LINGO2: variants seen among roughly 807,000 people sequenced by gnomAD.
LINGO2 encodes leucine-rich repeat and immunoglobulin-like domain-containing nogo receptor-interacting protein 2.
In LINGO2, 14 loss-of-function variants were observed where a neutral mutation model predicts 30.6. The observed-to-expected ratio is 0.46, with a 90% CI of 0.30 to 0.72. The LOEUF (loss-of-function observed/expected upper bound fraction) is 0.72. Among genes scored for constraint, LINGO2 ranks in the 30% least tolerant of loss-of-function variants. The pLI is 0.07. For missense variants in LINGO2, 729 were observed against 751.7 expected (o/e 0.97, Z 0.35); for synonymous variants, 317 against 288.5 (o/e 1.10, Z -1.00).
the LINGO2 span, among the ~76,000 whole-genome samples, chr9:28,762,664 C>T: frequency 1.3e-5 from 2 of 152,026 alleles, no homozygotes; most frequent in East Asian, 3.8e-4. Flanking sequence ...ATCTCTTGAT[C>T]TCAACCCCTC....
At chr9:29,038,938 C>T in the LINGO2 span, among the ~76,000 whole-genome samples, 1 of 152,240 alleles carries the variant, frequency 6.6e-6, no homozygotes, top group East Asian at 1.9e-4. Context: ...TTGAGGAATT[C>T]TCTTGTCATT....
intron 3 of LINGO2, among the ~76,000 whole-genome samples, chr9:28,364,809 T>A (rs1820594836): frequency 6.6e-6 from 1 of 152,234 alleles, no homozygotes; most frequent in South Asian, 2.1e-4. Context: ...GAAGCTTTCT[T>A]TGTTTAATCA....
At chr9:28,619,805 A>G (rs1292913191) in intron 1 of LINGO2, among the ~76,000 whole-genome samples, 5 of 152,122 alleles carry the variant, frequency 3.3e-5, no homozygotes, top group Admixed American at 1.3e-4. Context: ...ACACAAAGCC[A>G]AAATTAATAA....
At chr9:28,462,739 C>A (rs1825133588) in intron 2 of LINGO2, among the ~76,000 whole-genome samples, 2 of 151,946 alleles carry the variant, frequency 1.3e-5, no homozygotes, top group Non-Finnish European at 2.9e-5. Flanking sequence ...TACCTCCCCC[C>A]ACAATTTTAA....
At chr9:28,023,575 A>C (rs1239605178) in intron 4 of LINGO2, among the ~76,000 whole-genome samples, 1 of 152,158 alleles carries the variant, frequency 6.6e-6, no homozygotes, top group African/African-American at 2.4e-5. Flanking sequence ...TGACCTTACA[A>C]GTTTTCTTAG....
intron 4 of LINGO2, among the ~76,000 whole-genome samples, chr9:28,035,255 G>T (rs915340702): frequency 6.6e-6 from 1 of 152,102 alleles, no homozygotes; most frequent in East Asian, 1.9e-4. Context: ...TGCTTCAGAG[G>T]GATTTGTATA....
chr9:28,566,763 G>T (rs1276379327), intron 1 of LINGO2, among the ~76,000 whole-genome samples: 1 of 152,132 alleles, frequency 6.6e-6, no homozygotes, highest in Non-Finnish European at 1.5e-5. Context: ...TAACATAAAT[G>T]AGTAAAATCA....
chr9:28,879,197 G>A, the LINGO2 span, among the ~76,000 whole-genome samples: 1 of 152,054 alleles, frequency 6.6e-6, no homozygotes, highest in Non-Finnish European at 1.5e-5. Flanking sequence ...ACCAATAACA[G>A]CCAAACAGAG....
At chr9:29,181,907 A>G in the LINGO2 span, among the ~76,000 whole-genome samples, 1 of 152,216 alleles carries the variant, frequency 6.6e-6, no homozygotes, top group Non-Finnish European at 1.5e-5. Flanking sequence ...CAGGTTAAAG[A>G]AAGAAAAAGT....
intron 4 of LINGO2, among the ~76,000 whole-genome samples, chr9:28,165,425 T>G (rs1226608742): frequency 2.6e-5 from 4 of 152,178 alleles, no homozygotes; most frequent in African/African-American, 9.7e-5. Flanking sequence ...CTTCCACTAA[T>G]CACTCCCAGG....
chr9:28,059,235 A>T (rs866612895), intron 4 of LINGO2, among the ~76,000 whole-genome samples: 16 of 152,050 alleles, frequency 1.1e-4, no homozygotes, highest in African/African-American at 3.9e-4. Flanking sequence ...ACAGCTGTAG[A>T]TCATGTGCCT....
At chr9:28,299,448 AT>A (rs60499003) in intron 3 of LINGO2, among the ~76,000 whole-genome samples, 13,123 of 150,752 alleles carry the variant, frequency 0.087, 871 homozygotes, top group East Asian at 0.39. Context: ...ATTGCTTCTA[AT>A]TTTTTTTTTC....
the LINGO2 span, among the ~76,000 whole-genome samples, chr9:28,884,861 T>C: frequency 7.1e-6 from 1 of 140,398 alleles, no homozygotes; most frequent in Non-Finnish European, 1.5e-5. Flanking sequence ...ATATACACTA[T>C]ATATACACAC....
At chr9:28,924,086 C>T in the LINGO2 span, among the ~76,000 whole-genome samples, 1 of 152,204 alleles carries the variant, frequency 6.6e-6, no homozygotes, top group African/African-American at 2.4e-5. Flanking sequence ...AGTGGAATTG[C>T]ACTTTGAATA....
chr9:28,877,979 G>A, the LINGO2 span, among the ~76,000 whole-genome samples: 239 of 152,218 alleles, frequency 1.6e-3, no homozygotes, highest in Non-Finnish European at 3.0e-3. Flanking sequence ...TCCCTTGAAA[G>A]TTGGATTCCT....
chr9:28,328,886 A>G (rs1999422), intron 3 of LINGO2, among the ~76,000 whole-genome samples: 149,945 of 152,268 alleles, frequency 0.98, 73,869 homozygotes, highest in Middle Eastern at 1. Context: ...TTTATTGTTG[A>G]AAGACAAAAA....
intron 3 of LINGO2, among the ~76,000 whole-genome samples, chr9:28,336,866 A>G (rs995428487): frequency 7.2e-5 from 11 of 152,096 alleles, no homozygotes; most frequent in African/African-American, 2.2e-4. Flanking sequence ...TACTTTTTTT[A>G]AATAAAAATT....
chr9:29,063,376 A>G, the LINGO2 span, among the ~76,000 whole-genome samples: 1 of 151,638 alleles, frequency 6.6e-6, no homozygotes, highest in South Asian at 2.1e-4. Flanking sequence ...TCAGTGAGAA[A>G]CTTTTAGTCC....
At chr9:28,992,203 A>C in the LINGO2 span, among the ~76,000 whole-genome samples, 2 of 151,938 alleles carry the variant, frequency 1.3e-5, no homozygotes, top group Non-Finnish European at 1.5e-5. Flanking sequence ...AAAAAAAGGC[A>C]GGGGTTGCAA....
Sources: gnomAD v4.1 joint callset for allele counts (sites outside exome capture counted in the v4.1 genomes callset) on GRCh38, gnomAD v4.1.1 for gene constraint, MANE v1.5 for transcripts, NCBI Gene and HGNC (gene_info 2026-07-23, HGNC 2026-07-21) for gene names.